The following RUFY3 variants were observed in gnomAD, a reference collection of about 807,000 sequenced individuals.
RUFY3 encodes the protein RUN and FYVE domain containing 3, also known as protein RUFY3.
Under a neutral mutation model 84.0 loss-of-function variants are expected in RUFY3, and 34 were observed. The observed-to-expected ratio is 0.40, with a 90% CI of 0.31 to 0.54. RUFY3 has a LOEUF of 0.54. Among genes scored for constraint, RUFY3 ranks in the 20% least tolerant of loss-of-function variants. RUFY3 has a pLI of 0.39. For missense variants in RUFY3, 507 were observed against 736.8 expected (o/e 0.69, Z 3.61); for synonymous variants, 242 against 252.9 (o/e 0.96, Z 0.41).
At chr4:70,722,949 G>A (rs975997223) in intron 1 of RUFY3, among the ~76,000 whole-genome samples, 198 bp downstream of exon 1, 1 of 152,038 alleles carries the variant, frequency 6.6e-6, no homozygotes, top group South Asian at 2.1e-4. Context: ...TGCCCCTTTA[G>A]GTATCCTTTC....
intron 1 of RUFY3, among the ~76,000 whole-genome samples, chr4:70,730,132 A>G (rs998102870): frequency 2.0e-5 from 3 of 151,514 alleles, no homozygotes; most frequent in Admixed American, 6.6e-5. Flanking sequence ...ACAGGTTTTC[A>G]CCATGTTGGC....
chr4:70,747,140 A>G (rs1445549290), intron 1 of RUFY3, among the ~76,000 whole-genome samples: 1 of 152,194 alleles, frequency 6.6e-6, no homozygotes, highest in Non-Finnish European at 1.5e-5. Flanking sequence ...GCAACAAGAG[A>G]AAAAACTTTT....
chr4:70,740,009 A>AGATGAAAC (rs1295311901), intron 1 of RUFY3, among the ~76,000 whole-genome samples: 1 of 151,200 alleles, frequency 6.6e-6, no homozygotes, highest in Non-Finnish European at 1.5e-5. Context: ...AAAAAAAAAA[A>AGATGAAAC]GATGAAACAC....
upstream of RUFY3, chr4:70,721,920 C>T: frequency 8.1e-7 from 1 of 1,231,640 alleles, no homozygotes; most frequent in Non-Finnish European, 1.0e-6. Context: ...ATTGCTTGCC[C>T]TACGTTCAGA....
chr4:70,742,843 G>T (rs886645789), intron 1 of RUFY3, among the ~76,000 whole-genome samples: 1 of 152,126 alleles, frequency 6.6e-6, no homozygotes, highest in African/African-American at 2.4e-5. Context: ...CTTTGAATGT[G>T]TGAATTCTGA....
At chr4:70,735,575 T>C (rs1720131463) in intron 1 of RUFY3, among the ~76,000 whole-genome samples, 1 of 152,126 alleles carries the variant, frequency 6.6e-6, no homozygotes, top group Admixed American at 6.5e-5. Flanking sequence ...GCGTGGTGGC[T>C]CACACCTGTA....
chr4:70,711,977 G>A lies in RUFY3; in HGVS notation c.358+6683G>A, dbSNP rs553057015. 4.0e-5 allele frequency among the ~76,000 whole-genome samples: 6 copies of A among 149,400 alleles called. No homozygotes were observed. The South Asian group carries it at 6.3e-4, about 16-fold the overall frequency. The stretch of plus-strand genomic sequence containing the variant: ...TGGCATTATCAAAAAGTCAAATCAC[G>A]CTTTTTATTGACAGAACAACAATTT... On this transcript the variant is annotated intron_variant, in intron 1 of 11. Transcript: ENST00000417478.
At chr4:70,711,181 A>G (rs546570077) in intron 1 of RUFY3, among the ~76,000 whole-genome samples, 55 of 150,892 alleles carry the variant, frequency 3.6e-4, no homozygotes, top group African/African-American at 1.3e-3. Flanking sequence ...CTGGTCTTGG[A>G]CTCCTGGGCT....
At chr4:70,737,464 G>A (rs977734483) in intron 1 of RUFY3, among the ~76,000 whole-genome samples, 2 of 152,042 alleles carry the variant, frequency 1.3e-5, no homozygotes, top group African/African-American at 4.8e-5. Context: ...CCAGTCCTGT[G>A]GACAGCAGCT....
intron 8 of RUFY3, among the ~76,000 whole-genome samples, chr4:70,780,374 T>A (rs893717285): frequency 6.6e-6 from 1 of 152,128 alleles, no homozygotes; most frequent in African/African-American, 2.4e-5. Context: ...TGGCTCACTT[T>A]AACCTCCACC....
intron 7 of RUFY3, among the ~76,000 whole-genome samples, chr4:70,776,331 CTTTTA>C (rs2148750412): frequency 6.6e-6 from 1 of 152,244 alleles, no homozygotes; most frequent in South Asian, 2.1e-4. Flanking sequence ...TCAACACATC[CTTTTA>C]TTTTGTTTTC....
At chr4:70,791,107 G>GTAT in intron 12 of RUFY3, 1 of 594,686 alleles carries the variant, frequency 1.7e-6, no homozygotes, top group Non-Finnish European at 2.8e-6. Context: ...AACAGAAAGA[G>GTAT]AATAATGACT....
At chr4:70,780,475 T>C (rs1728731492) in intron 8 of RUFY3, among the ~76,000 whole-genome samples, 1 of 152,024 alleles carries the variant, frequency 6.6e-6, no homozygotes, top group Non-Finnish European at 1.5e-5. Context: ...TGTATTTTTA[T>C]AGAAACAGAG....
chr4:70,704,720 C>A (rs1360305556), upstream of RUFY3: 2 of 315,032 alleles, frequency 6.3e-6, no homozygotes, highest in South Asian at 1.4e-4. Flanking sequence ...GCCGCGCCGT[C>A]GGGCGGGGCG....
intron 1 of RUFY3, among the ~76,000 whole-genome samples, chr4:70,750,473 GTTATATA>G (rs1243736892): frequency 3.3e-5 from 5 of 152,042 alleles, no homozygotes; most frequent in Admixed American, 2.6e-4. Flanking sequence ...AAACATACAA[GTTATATA>G]TTATTATTAT....
intron 10 of RUFY3, among the ~76,000 whole-genome samples, chr4:70,787,187 A>AAAAAATATAT (rs1553920475): frequency 7.4e-5 from 6 of 81,476 alleles, no homozygotes; most frequent in African/African-American, 3.1e-4. Context: ...AAAAAAAAAA[A>AAAAAATATAT]ATATATATAT....
chr4:70,803,857 G>C (rs1732544788), intron 16 of RUFY3, among the ~76,000 whole-genome samples: 1 of 151,444 alleles, frequency 6.6e-6, no homozygotes, highest in Middle Eastern at 3.4e-3. Flanking sequence ...CGAGTAGCTG[G>C]GATTACAGGC....
At position 70,764,587 on chromosome 4, in the gene RUFY3, C is replaced by T. The variant is rs769300999; in HGVS notation, c.572+11C>T. 4 of 1,462,344 alleles carry T rather than the reference C, an allele frequency of 2.7e-6. No individual in the cohort carries two copies. Among genetic ancestry groups the T allele is most frequent in the South Asian group, 2.3e-5 (2 of 86,124 alleles). 90.6% of individuals were successfully genotyped at this position (1,462,344 alleles called of 1,614,324 possible). ...GAAAGAACTTCTCAGGTATGAACACCTTCTTGAACTTTCTTCTTTCCTTGG... is the reference window on the plus strand; with the variant it reads ...GAAAGAACTTCTCAGGTATGAACACTTTCTTGAACTTTCTTCTTTCCTTGG... On this transcript the variant is annotated intron_variant, in intron 4 of 17. Coordinates refer to ENST00000381006, the MANE Select transcript of RUFY3 (RefSeq NM_001037442.4).
chr4:70,755,102 C>G (rs2148683172), intron 1 of RUFY3, among the ~76,000 whole-genome samples: 1 of 152,256 alleles, frequency 6.6e-6, no homozygotes, highest in East Asian at 1.9e-4. Context: ...CGAGGTTTCA[C>G]TGTGTTGGCT....
Sources: allele counts gnomAD v4.1 joint callset (sites outside exome capture counted in the v4.1 genomes callset), GRCh38; gene constraint gnomAD v4.1.1; transcripts MANE v1.5; gene names NCBI Gene and HGNC (gene_info 2026-07-23, HGNC 2026-07-21).